The following TRHDE variants were observed in gnomAD, a reference collection of about 807,000 sequenced individuals.
The protein encoded by TRHDE is thyrotropin releasing hormone degrading enzyme.
A neutral mutation model predicts 125.7 loss-of-function variants in TRHDE; 72 were observed. The observed-to-expected ratio is 0.57, with a 90% CI of 0.47 to 0.70. The LOEUF (loss-of-function observed/expected upper bound fraction) is 0.70, where lower values mean the gene tolerates loss of function less well. Ranked by LOEUF, TRHDE falls within the 30% of genes least tolerant of loss-of-function variation. TRHDE has a pLI of 0.00. For missense variants in TRHDE, 1,110 were observed against 1,327.1 expected (o/e 0.84, Z 2.54); for synonymous variants, 509 against 509.1 (o/e 1.00, Z 0.00).
chr12:72,230,225 G>T (rs1003207767), intron 2 of TRHDE, among the ~76,000 whole-genome samples: 43 of 152,104 alleles, frequency 2.8e-4, no homozygotes, highest in Non-Finnish European at 3.5e-4. Context: ...CCCTATCTAG[G>T]TTTGGGTCAT....
At chr12:72,211,469 AGTCT>A (rs1248165947) in intron 2 of TRHDE, among the ~76,000 whole-genome samples, 1 of 152,180 alleles carries the variant, frequency 6.6e-6, no homozygotes, top group African/African-American at 2.4e-5. Context: ...TAAAATAGTC[AGTCT>A]ATCAGAAAGA....
At chr12:72,121,219 A>C (rs1048588289) in intron 2 of TRHDE, among the ~76,000 whole-genome samples, 2 of 152,094 alleles carry the variant, frequency 1.3e-5, no homozygotes, top group African/African-American at 4.8e-5. Context: ...TTTCAGATTG[A>C]AGAATTCCTT....
At chr12:72,594,705 G>A (rs1042076606) in intron 12 of TRHDE, among the ~76,000 whole-genome samples, 15 of 151,820 alleles carry the variant, frequency 9.9e-5, no homozygotes, top group Non-Finnish European at 1.8e-4. Context: ...CTCTAATGTG[G>A]CAATTCCTCA....
upstream of TRHDE, among the ~76,000 whole-genome samples, chr12:72,270,097 C>G (rs1050895394): frequency 6.6e-6 from 1 of 152,162 alleles, no homozygotes; most frequent in Non-Finnish European, 1.5e-5. Context: ...CTCTTACTTG[C>G]TTGCACTATA....
chr12:72,426,523 T>C (rs532669878), intron 3 of TRHDE, among the ~76,000 whole-genome samples: 1 of 152,168 alleles, frequency 6.6e-6, no homozygotes, highest in South Asian at 2.1e-4. Context: ...ACAAAAAGCT[T>C]AAGAGGTAGG....
chr12:72,304,145 C>T (rs550149361), intron 2 of TRHDE, among the ~76,000 whole-genome samples: 46 of 152,190 alleles, frequency 3.0e-4, no homozygotes, highest in African/African-American at 1.1e-3. Context: ...TAATTACGCT[C>T]CCTTAATTTC....
At chr12:72,346,800 C>G (rs1870348063) in intron 2 of TRHDE, among the ~76,000 whole-genome samples, 1 of 152,078 alleles carries the variant, frequency 6.6e-6, no homozygotes, top group South Asian at 2.1e-4. Context: ...TAACAAAATA[C>G]CACAAACTGA....
intron 2 of TRHDE, among the ~76,000 whole-genome samples, chr12:72,204,170 G>C (rs1467028125): frequency 6.6e-6 from 1 of 152,082 alleles, no homozygotes; most frequent in African/African-American, 2.4e-5. Context: ...TGACTCACTG[G>C]TCTTCTCAGT....
At chr12:72,312,263 A>T (rs1186911731) in intron 2 of TRHDE, among the ~76,000 whole-genome samples, 1 of 152,140 alleles carries the variant, frequency 6.6e-6, no homozygotes, top group Non-Finnish European at 1.5e-5. Context: ...GTCGTCCCTT[A>T]TGCTCTATTT....
intron 10 of TRHDE, among the ~76,000 whole-genome samples, chr12:72,571,662 A>C (rs1018784851): frequency 3.3e-5 from 5 of 152,188 alleles, no homozygotes; most frequent in Admixed American, 6.5e-5. Flanking sequence ...TTGACTGGCT[A>C]TTCAATTAAC....
chr12:72,297,220 A>C (rs1880334133), intron 2 of TRHDE, among the ~76,000 whole-genome samples: 1 of 152,198 alleles, frequency 6.6e-6, no homozygotes, highest in African/African-American at 2.4e-5. Context: ...TGGTACCCGG[A>C]GAAGCAGGGA....
At chr12:72,198,094 C>T (rs1877480068) in intron 2 of TRHDE, among the ~76,000 whole-genome samples, 1 of 151,958 alleles carries the variant, frequency 6.6e-6, no homozygotes, top group East Asian at 1.9e-4. Flanking sequence ...GCTTCTTTCA[C>T]TTATCATAAT....
At chr12:72,472,517 T>C (rs188754026) in intron 4 of TRHDE, among the ~76,000 whole-genome samples, 240 of 152,276 alleles carry the variant, frequency 1.6e-3, no homozygotes, top group African/African-American at 5.6e-3. Context: ...GTTTTATCAA[T>C]CAGCAAATAT....
intron 8 of TRHDE, 93 bp downstream of exon 8, chr12:72,562,323 TTTG>T: frequency 3.4e-6 from 2 of 587,274 alleles, no homozygotes; most frequent in South Asian, 2.8e-5. Context: ...CACCTGATAG[TTTG>T]TTTTTACTTT....
intron 5 of TRHDE, among the ~76,000 whole-genome samples, chr12:72,485,923 T>G (rs1877385802): frequency 6.6e-6 from 1 of 152,166 alleles, no homozygotes; most frequent in Non-Finnish European, 1.5e-5. Flanking sequence ...CATCTTGCTA[T>G]TTCTGAGTAC....
chr12:72,326,876 C>T (rs2135715720), intron 2 of TRHDE, among the ~76,000 whole-genome samples: 1 of 152,234 alleles, frequency 6.6e-6, no homozygotes, highest in African/African-American at 2.4e-5. Context: ...AAATGGTGAA[C>T]ACTTTGACAA....
At chr12:72,579,046 G>A (rs1270910349) in intron 12 of TRHDE, among the ~76,000 whole-genome samples, 1 of 148,716 alleles carries the variant, frequency 6.7e-6, no homozygotes, top group East Asian at 2.0e-4. Flanking sequence ...ATAAATCTGG[G>A]GATCTTTTTA....
intron 2 of TRHDE, among the ~76,000 whole-genome samples, chr12:72,297,387 A>G (rs1880340808): frequency 6.6e-6 from 1 of 152,136 alleles, no homozygotes; most frequent in Admixed American, 6.5e-5. Context: ...TTTCAGGGTG[A>G]GTTGGTGGAA....
intron 3 of TRHDE, among the ~76,000 whole-genome samples, chr12:72,425,420 T>A (rs1874141987): frequency 6.6e-6 from 1 of 152,144 alleles, no homozygotes; most frequent in Non-Finnish European, 1.5e-5. Context: ...ATAGAAGAAT[T>A]TGAAAGAATC....
Sources: gnomAD v4.1 joint callset for allele counts (sites outside exome capture counted in the v4.1 genomes callset) on GRCh38, gnomAD v4.1.1 for gene constraint, MANE v1.5 for transcripts, NCBI Gene and HGNC (gene_info 2026-07-23, HGNC 2026-07-21) for gene names.